The following PEX5L variants were observed in gnomAD, a reference collection of about 807,000 sequenced individuals.
PEX5L encodes PEX5-related protein.
PEX5L carries 30 observed loss-of-function variants against 84.0 expected under a neutral mutation model. The observed-to-expected ratio is 0.36, with a 90% CI of 0.27 to 0.48. PEX5L has a LOEUF of 0.48. Among genes scored for constraint, PEX5L ranks in the 20% least tolerant of loss-of-function variants. PEX5L has a pLI of 0.99. For synonymous variants in PEX5L, 270 were observed against 283.1 expected, an observed-to-expected ratio of 0.95 and a Z score of 0.46; for missense variants, 533 against 754.6, an observed-to-expected ratio of 0.71 and a Z score of 3.44.
At chr3:179,917,692 C>A (rs371282805) in intron 2 of PEX5L, among the ~76,000 whole-genome samples, 1 of 151,950 alleles carries the variant, frequency 6.6e-6, no homozygotes, top group Non-Finnish European at 1.5e-5. Context: ...CTTTTTGAGA[C>A]GGAGTTGCCC....
At chr3:179,872,174 G>C (rs1750637733) in intron 7 of PEX5L, among the ~76,000 whole-genome samples, 1 of 152,168 alleles carries the variant, frequency 6.6e-6, no homozygotes. Flanking sequence ...GTGAGCCACT[G>C]TGCTCAGCCA....
At chr3:179,906,009 G>T (rs1172837108) in intron 2 of PEX5L, among the ~76,000 whole-genome samples, 3 of 152,136 alleles carry the variant, frequency 2.0e-5, no homozygotes, top group Non-Finnish European at 4.4e-5. Flanking sequence ...TAGATGAAAA[G>T]TTTTAATTAG....
intron 3 of PEX5L, chr3:179,895,466 T>C (rs534594523): frequency 6.6e-6 from 1 of 152,246 alleles, no homozygotes; most frequent in South Asian, 2.1e-4. Flanking sequence ...TTGATTTAAG[T>C]GTTAGTCTTG....
chr3:179,980,656 C>G (rs2110328188), intron 1 of PEX5L, among the ~76,000 whole-genome samples: 1 of 152,268 alleles, frequency 6.6e-6, no homozygotes, highest in East Asian at 1.9e-4. Flanking sequence ...CTATACTCTT[C>G]TGAGCTACAA....
At chr3:179,810,959 C>G (rs1367883061) in intron 11 of PEX5L, among the ~76,000 whole-genome samples, 1 of 152,138 alleles carries the variant, frequency 6.6e-6, no homozygotes, top group Non-Finnish European at 1.5e-5. Context: ...TACATACTCT[C>G]TGTGTGACCT....
At chr3:179,803,930 T>A (rs925272009) in intron 14 of PEX5L, 6 of 152,226 alleles carry the variant, frequency 3.9e-5, no homozygotes, top group Non-Finnish European at 8.8e-5. Context: ...GGGAGATTTA[T>A]AAATGGATGG....
In PEX5L at chr3:180,009,033, T is replaced by C. The variant is rs535904432; in HGVS notation, c.21+27546A>G. Among the ~76,000 whole-genome samples the C allele has an allele frequency of 4.6e-5, 7 of 152,362 alleles. No individual in the cohort carries two copies. The South Asian group carries it at 1.5e-3, about 32-fold the overall frequency. On this transcript the variant is annotated intron_variant, in intron 1 of 14. Coordinates refer to ENST00000467460, the MANE Select transcript of PEX5L (RefSeq NM_016559.3). Reference sequence around the variant, plus strand: ...TATAAACATAGTGTTGATGAATAAATGAAGATTTTACTCATCATTGCTATT... The same window carrying C: ...TATAAACATAGTGTTGATGAATAAACGAAGATTTTACTCATCATTGCTATT...
chr3:179,915,895 C>T (rs1254399946), intron 2 of PEX5L, among the ~76,000 whole-genome samples: 18 of 152,198 alleles, frequency 1.2e-4, no homozygotes, highest in Admixed American at 1.1e-3. Context: ...ATAAAAATAA[C>T]TACCAAAATA....
intron 2 of PEX5L, among the ~76,000 whole-genome samples, chr3:179,903,681 C>CAT (rs1476680288): frequency 2.0e-5 from 3 of 152,134 alleles, no homozygotes; most frequent in Non-Finnish European, 2.9e-5. Context: ...AGCTAAATGT[C>CAT]AAAGTTAGTG....
At chr3:179,981,361 C>T (rs761715663) in intron 1 of PEX5L, among the ~76,000 whole-genome samples, 3 of 152,018 alleles carry the variant, frequency 2.0e-5, no homozygotes, top group Non-Finnish European at 2.9e-5. Flanking sequence ...GGGTGAGGAA[C>T]GGATTGGAGG....
chr3:179,847,423 C>T (rs552159505), intron 8 of PEX5L, among the ~76,000 whole-genome samples: 70 of 152,070 alleles, frequency 4.6e-4, no homozygotes, highest in African/African-American at 1.6e-3. Context: ...TAACGGGTTG[C>T]CCTCATGGAA....
chr3:179,950,372 G>C (rs753748377), intron 2 of PEX5L, among the ~76,000 whole-genome samples: 2 of 151,980 alleles, frequency 1.3e-5, no homozygotes, highest in Non-Finnish European at 2.9e-5. Flanking sequence ...GGTGAGGGGA[G>C]GGGGTGGGGA....
At chr3:180,026,903 T>C (rs1201923962) in intron 1 of PEX5L, among the ~76,000 whole-genome samples, 1 of 152,158 alleles carries the variant, frequency 6.6e-6, no homozygotes, top group South Asian at 2.1e-4. Flanking sequence ...ATTTGGGAAA[T>C]TGCCCACACT....
intron 8 of PEX5L, among the ~76,000 whole-genome samples, chr3:179,847,723 T>G (rs1740136042): frequency 6.6e-6 from 1 of 151,788 alleles, no homozygotes; most frequent in African/African-American, 2.4e-5. Context: ...ACAAGTTTTG[T>G]TTTTTTTGAG....
chr3:179,967,305 T>C (rs1409252639), intron 2 of PEX5L, among the ~76,000 whole-genome samples: 1 of 152,126 alleles, frequency 6.6e-6, no homozygotes, highest in Non-Finnish European at 1.5e-5. Flanking sequence ...GTTGGGCAAC[T>C]TAATTCACTT....
At chr3:179,958,685 C>T (rs1222940336) in intron 2 of PEX5L, among the ~76,000 whole-genome samples, 8 of 151,982 alleles carry the variant, frequency 5.3e-5, no homozygotes, top group African/African-American at 1.9e-4. Context: ...GCTTTAATGA[C>T]GAGGCAGGAA....
chr3:179,841,744 C>T (rs1406473223), intron 8 of PEX5L, among the ~76,000 whole-genome samples: 1 of 152,178 alleles, frequency 6.6e-6, no homozygotes, highest in African/African-American at 2.4e-5. Context: ...AGGTTACTGC[C>T]TTGTTTATCA....
At position 179,853,506 on chromosome 3, in the gene PEX5L, C is replaced by T. The variant is rs371163384; in HGVS notation, c.822+5556G>A. ...CCACTCCTGGGAGGCAGCTTTGGGC[C>T]TCACTGAGCTCTGGGAGCTCCTTCG... On this transcript the variant is annotated intron_variant, in intron 8 of 14. Transcript: ENST00000467460. Among the ~76,000 whole-genome samples the T allele has an allele frequency of 2.6e-5, 4 of 152,258 alleles. No individual in the cohort carries two copies. The South Asian group carries it at 8.3e-4, about 32-fold the overall frequency.
chr3:180,010,716 T>C (rs1389861508), intron 1 of PEX5L, among the ~76,000 whole-genome samples: 3 of 151,980 alleles, frequency 2.0e-5, no homozygotes, highest in Non-Finnish European at 4.4e-5. Flanking sequence ...ATCTCATACA[T>C]TTATCTATAG....
Sources: allele counts gnomAD v4.1 joint callset (sites outside exome capture counted in the v4.1 genomes callset), GRCh38; gene constraint gnomAD v4.1.1; transcripts MANE v1.5; gene names NCBI Gene and HGNC (gene_info 2026-07-23, HGNC 2026-07-21).